PTPRT: variants seen among roughly 807,000 people sequenced by gnomAD.
PTPRT encodes receptor-type tyrosine-protein phosphatase T.
In PTPRT, 56 loss-of-function variants were observed where a neutral mutation model predicts 176.8. The observed-to-expected ratio is 0.32, with a 90% CI of 0.26 to 0.40. PTPRT has a LOEUF of 0.40. Among genes scored for constraint, PTPRT ranks in the 10% least tolerant of loss-of-function variants. The pLI, the probability that PTPRT is intolerant of heterozygous loss-of-function variation, is 1.00. For missense variants in PTPRT, 1,540 were observed against 1,908.2 expected, an observed-to-expected ratio of 0.81 and a Z score of 3.60; for synonymous variants, 783 against 739.0, an observed-to-expected ratio of 1.06 and a Z score of -0.96.
Position 43,020,237 on chromosome 20 carries a change from A to ATG in PTPRT, c.89-134306_89-134305insCA, listed in dbSNP as rs1200927281. On this transcript the variant is annotated intron_variant, in intron 1 of 30. Transcript: ENST00000373187. ...ATTTAATTATGTAATATATATATAT[A>ATG]TATTTATGTTATATATATATTTGGT... Among the ~76,000 whole-genome samples the ATG allele has an allele frequency of 7.5e-5, 11 of 147,636 alleles. No homozygotes were observed. The East Asian group carries it at 2.1e-3, about 29-fold the overall frequency.
chr20:42,294,569 T>C (rs1270817741), intron 12 of PTPRT, among the ~76,000 whole-genome samples: 2 of 152,178 alleles, frequency 1.3e-5, no homozygotes, highest in African/African-American at 2.4e-5. Context: ...CTGAGAATCG[T>C]ATAAGCCACT....
At chr20:42,071,223 T>C (rs1436139111), downstream of PTPRT, among the ~76,000 whole-genome samples, 2 of 152,200 alleles carry the variant, frequency 1.3e-5, no homozygotes, top group Non-Finnish European at 2.9e-5. Context: ...CTCAGGCTTA[T>C]ATCTGGACAC....
intron 1 of PTPRT, among the ~76,000 whole-genome samples, chr20:42,923,521 G>A (rs1044909687): frequency 6.6e-6 from 1 of 152,170 alleles, no homozygotes; most frequent in African/African-American, 2.4e-5. Flanking sequence ...TAAAGCCCAC[G>A]CGCCACTGTC....
intron 1 of PTPRT, among the ~76,000 whole-genome samples, chr20:42,998,001 C>A (rs2206456): frequency 0.36 from 54,391 of 151,934 alleles, 11,171 homozygotes; most frequent in African/African-American, 0.57. Flanking sequence ...GTTTGGATTG[C>A]AAGCAGAGAC....
intron 6 of PTPRT, among the ~76,000 whole-genome samples, chr20:42,712,608 C>G (rs1458904046): frequency 6.6e-6 from 1 of 152,046 alleles, no homozygotes; most frequent in Non-Finnish European, 1.5e-5. Flanking sequence ...ATTCATAGCA[C>G]AAGAGAAATG....
rs1354557784 is a variant in PTPRT, at chr20:42,636,772, G to A, written c.1153+41094C>T. 2.0e-5 allele frequency among the ~76,000 whole-genome samples: 3 copies of A among 151,992 alleles called. No homozygotes were observed. The East Asian group carries it at 5.8e-4, about 29-fold the overall frequency. On this transcript the variant is annotated intron_variant, in intron 7 of 30. Coordinates refer to ENST00000373187, the MANE Select transcript of PTPRT (RefSeq NM_007050.6). ...TGCACTCCAGCCTGGGTGACAGAGT[G>A]AGACTCCAACTCAAAAATAATTAAT... is the stretch of plus-strand genomic sequence containing the variant.
chr20:43,005,689 G>A (rs1348210416), intron 1 of PTPRT, among the ~76,000 whole-genome samples: 1 of 152,226 alleles, frequency 6.6e-6, no homozygotes, highest in Non-Finnish European at 1.5e-5. Flanking sequence ...ATCCCCAGCA[G>A]TCTAGCTCAG....
At chr20:42,945,884 T>G (rs1980854764) in intron 1 of PTPRT, among the ~76,000 whole-genome samples, 1 of 152,132 alleles carries the variant, frequency 6.6e-6, no homozygotes, top group Non-Finnish European at 1.5e-5. Context: ...CCAGTTCCCC[T>G]TCCCCAGCCC....
chr20:42,617,283 T>G (rs1282401520), intron 7 of PTPRT, among the ~76,000 whole-genome samples: 6 of 136,938 alleles, frequency 4.4e-5, no homozygotes, highest in East Asian at 1.9e-4. Context: ...ATCCCAGGGA[T>G]GAAGCCTACT....
Position 42,315,915 on chromosome 20 carries a change from G to T in PTPRT, c.1947C>A (p.Pro649=), listed in dbSNP as rs770357636. 5 of 1,613,986 alleles carry T rather than the reference G, an allele frequency of 3.1e-6. No homozygotes were observed. Among genetic ancestry groups the T allele is most frequent in the African/African-American group, 2.7e-5 (2 of 74,904 alleles). Residue 649 remains proline (P), a synonymous_variant, in exon 12 of 31, where the codon CCC becomes CCA. Coordinates refer to ENST00000373187, the MANE Select transcript of PTPRT (RefSeq NM_007050.6). ...AADIIECFSV[P]VSYRNASSLD... Reference sequence around the variant, plus strand: ...GGCTGGAGGCATTCCGATAGCTCACGGGCACCGAAAAGCACTCAATAATGT... The same window carrying T: ...GGCTGGAGGCATTCCGATAGCTCACTGGCACCGAAAAGCACTCAATAATGT...
intron 1 of PTPRT, among the ~76,000 whole-genome samples, chr20:43,043,701 CAG>C (rs1986726743): frequency 6.6e-6 from 1 of 152,154 alleles, no homozygotes. Context: ...GAAACAGGCA[CAG>C]AGACCCCAGG....
At chr20:42,784,242 G>T (rs1211798498) in intron 3 of PTPRT, among the ~76,000 whole-genome samples, 1 of 152,180 alleles carries the variant, frequency 6.6e-6, no homozygotes. Flanking sequence ...TTGGAGGAGG[G>T]TGTGGATATG....
intron 7 of PTPRT, among the ~76,000 whole-genome samples, chr20:42,550,049 T>G (rs913286026): frequency 2.0e-5 from 3 of 152,118 alleles, no homozygotes; most frequent in South Asian, 4.1e-4. Flanking sequence ...AATTTGCAAT[T>G]GAAAAATCAC....
At chr20:42,856,417 A>AT (rs529312084) in intron 2 of PTPRT, among the ~76,000 whole-genome samples, 4 of 152,004 alleles carry the variant, frequency 2.6e-5, no homozygotes, top group African/African-American at 9.6e-5. Context: ...ACACGCAAAG[A>AT]TTTTTTTTTA....
intron 1 of PTPRT, among the ~76,000 whole-genome samples, chr20:43,015,848 C>G (rs1474896290): frequency 6.6e-6 from 1 of 151,602 alleles, no homozygotes; most frequent in African/African-American, 2.4e-5. Flanking sequence ...CAGCAGATTC[C>G]TTTGCAGATA....
At chr20:42,046,040 G>T in the PTPRT span, among the ~76,000 whole-genome samples, 1 of 152,198 alleles carries the variant, frequency 6.6e-6, no homozygotes, top group African/African-American at 2.4e-5. Context: ...GGTTTCCCTT[G>T]ACCTCATGGA....
chr20:42,085,944 T>C, intron 27 of PTPRT, 91 bp from the exon 28 acceptor site: 1 of 1,399,696 alleles, frequency 7.1e-7, no homozygotes. Flanking sequence ...TTTTCTTTTT[T>C]TCTTTTTCTT....
intron 1 of PTPRT, among the ~76,000 whole-genome samples, chr20:43,083,729 T>G (rs747605277): frequency 9.2e-5 from 14 of 152,068 alleles, no homozygotes; most frequent in Non-Finnish European, 1.8e-4. Flanking sequence ...CAATACAGTT[T>G]TTAGAATATC....
intron 2 of PTPRT, among the ~76,000 whole-genome samples, chr20:42,833,814 G>A (rs1849153): frequency 0.082 from 12,473 of 152,126 alleles, 633 homozygotes; most frequent in Admixed American, 0.15. Context: ...ACATTCACAC[G>A]GAGCGGGGGG....
Sources: allele counts gnomAD v4.1 joint callset (sites outside exome capture counted in the v4.1 genomes callset), GRCh38; gene constraint gnomAD v4.1.1; transcripts MANE v1.5; gene names NCBI Gene and HGNC (gene_info 2026-07-23, HGNC 2026-07-21).